Variants in RAP1GAP observed in about 807,000 individuals in gnomAD.
RAP1GAP encodes rap1 GTPase-activating protein 1.
Under a neutral mutation model 87.2 loss-of-function variants are expected in RAP1GAP, and 35 were observed. The ratio of observed to expected loss-of-function variants is 0.40; its 90% CI spans 0.31 to 0.53. The LOEUF (loss-of-function observed/expected upper bound fraction) is 0.53. Among genes scored for constraint, RAP1GAP ranks in the 20% least tolerant of loss-of-function variants. The probability of loss-of-function intolerance (pLI) is 0.48; values close to 1 mark genes in which losing one functional copy is unlikely to be tolerated. For missense variants in RAP1GAP, 734 were observed against 898.9 expected (o/e 0.82, Z 2.35); for synonymous variants, 375 against 363.9 (o/e 1.03, Z -0.35).
At chr1:21,647,745 G>A (rs1031169658) in intron 2 of RAP1GAP, among the ~76,000 whole-genome samples, 1 of 152,194 alleles carries the variant, frequency 6.6e-6, no homozygotes, top group African/African-American at 2.4e-5. Context: ...ATTCACGAAT[G>A]CATGCTCTGT....
At chr1:21,650,954 C>T (rs2096522584) in intron 1 of RAP1GAP, among the ~76,000 whole-genome samples, 1 of 152,206 alleles carries the variant, frequency 6.6e-6, no homozygotes, top group South Asian at 2.1e-4. Context: ...GCGCTCCACA[C>T]CCCAAGGTGG....
At position 21,622,414 on chromosome 1, in the gene RAP1GAP, C is replaced by T; in HGVS notation, c.-18-2364G>A. ...GCACCGCGGGCCGCAGCTGTGCCAT[C>T]CTGAGCGCGGCCCGGCCCGGCCCCC... On this transcript the variant is annotated intron_variant, in intron 3 of 24. Coordinates refer to ENST00000374765, the MANE Select transcript of RAP1GAP (RefSeq NM_002885.4). The surrounding 1 kb of genome is among the most constrained non-coding windows in gnomAD (Gnocchi z 5.7). The T allele has an allele frequency of 3.0e-6, 1 of 332,528 alleles. No individual in the cohort carries two copies. 20.6% of individuals were successfully genotyped at this position (332,528 alleles called of 1,614,324 possible). A position where few individuals can be genotyped will look rare whatever the true frequency, so the allele number is the denominator to read the frequency against.
At chr1:21,608,145 G>A (rs1040816702) in intron 17 of RAP1GAP, 68 bp downstream of exon 17, 29 of 1,576,866 alleles carry the variant, frequency 1.8e-5, no homozygotes, top group Non-Finnish European at 4.3e-6. Context: ...CAGTCTATCA[G>A]CCTCAGCCCG....
intron 1 of RAP1GAP, among the ~76,000 whole-genome samples, chr1:21,659,591 G>A (rs1261365644): frequency 1.3e-5 from 2 of 152,176 alleles, no homozygotes; most frequent in African/African-American, 2.4e-5. Flanking sequence ...AGATCACGGG[G>A]CCGCACCTAC....
At chr1:21,660,352 T>TATATATATATATATATA (rs1248298305) in intron 1 of RAP1GAP, among the ~76,000 whole-genome samples, 27 of 85,898 alleles carry the variant, frequency 3.1e-4, no homozygotes, top group Non-Finnish European at 4.1e-4. Flanking sequence ...TATATATTTA[T>TATATATATATATATATA]TGAGACAGTC....
chr1:21,623,616 G>A (rs2090208380), intron 3 of RAP1GAP, among the ~76,000 whole-genome samples: 1 of 152,252 alleles, frequency 6.6e-6, no homozygotes, highest in Admixed American at 6.5e-5. Flanking sequence ...AAAGCACTGT[G>A]CCCTCCCTTT....
intron 2 of RAP1GAP, among the ~76,000 whole-genome samples, chr1:21,644,405 A>G (rs543779449): frequency 1.3e-5 from 2 of 152,320 alleles, no homozygotes; most frequent in African/African-American, 4.8e-5. Flanking sequence ...AGCTTTGCCA[A>G]GGGACCTTGA....
intron 2 of RAP1GAP, among the ~76,000 whole-genome samples, chr1:21,646,920 C>T (rs2096106768): frequency 6.6e-6 from 1 of 152,172 alleles, no homozygotes; most frequent in Admixed American, 6.5e-5. Context: ...GGAACTCAGC[C>T]ATGATCACAT....
chr1:21,629,250 C>T (rs971350640), intron 2 of RAP1GAP, among the ~76,000 whole-genome samples: 20 of 152,088 alleles, frequency 1.3e-4, no homozygotes, highest in African/African-American at 1.4e-4. Flanking sequence ...GTGCTGGGTG[C>T]GGCCGTGGCT....
Position 21,611,527 on chromosome 1 carries a change from G to A in RAP1GAP, c.768C>T (p.Tyr256=), listed in dbSNP as rs759449694. Residue 256 remains tyrosine, a synonymous_variant, in exon 13 of 25, where the codon TAC becomes TAT. Coordinates refer to ENST00000374765, the MANE Select transcript of RAP1GAP (RefSeq NM_002885.4). ...THGQTGTESV[Y]CNFRNKEIMF... Reference sequence around the variant, plus strand: ...TGATCTCCTTGTTGCGGAAGTTGCAGTACACAGATTCGGTCCCCGTCTGCC... The same window carrying A: ...TGATCTCCTTGTTGCGGAAGTTGCAATACACAGATTCGGTCCCCGTCTGCC... 16 of 1,614,206 alleles carry A rather than the reference G, an allele frequency of 9.9e-6. 1 individual carries two copies. The South Asian group carries it at 1.3e-4, about 13-fold the overall frequency.
intron 1 of RAP1GAP, chr1:21,651,504 A>G (rs748947324): frequency 3.1e-6 from 2 of 649,494 alleles, no homozygotes; most frequent in Non-Finnish European, 6.0e-6. Flanking sequence ...ATGTGCTTAG[A>G]CACAAACACA....
At chr1:21,621,417 G>A (rs1256610928) in intron 3 of RAP1GAP, among the ~76,000 whole-genome samples, 1 of 152,002 alleles carries the variant, frequency 6.6e-6, no homozygotes, top group African/African-American at 2.4e-5. Context: ...GCCCTCACCC[G>A]CACACACACA....
At chr1:21,661,252 CAA>C (rs60956284) in intron 1 of RAP1GAP, among the ~76,000 whole-genome samples, 70 of 127,224 alleles carry the variant, frequency 5.5e-4, no homozygotes, top group Non-Finnish European at 4.6e-4. Flanking sequence ...ACTCTGTCTC[CAA>C]AAAAAAAAAA....
chr1:21,617,895 G>T, intron 6 of RAP1GAP, 39 bp downstream of exon 6: 2 of 1,613,980 alleles, frequency 1.2e-6, no homozygotes, highest in Non-Finnish European at 1.7e-6. Flanking sequence ...GTGCCTCCTG[G>T]GCTTGAGTAA....
chr1:21,607,394 G>A (rs1046023992), intron 17 of RAP1GAP, among the ~76,000 whole-genome samples: 1 of 152,186 alleles, frequency 6.6e-6, no homozygotes, highest in Non-Finnish European at 1.5e-5. Flanking sequence ...AACAGATAAA[G>A]AAACTGATGC....
At chr1:21,600,922 C>T (rs1186710759) in intron 20 of RAP1GAP, among the ~76,000 whole-genome samples, 1 of 146,150 alleles carries the variant, frequency 6.8e-6, no homozygotes, top group Non-Finnish European at 1.5e-5. Flanking sequence ...GTACAGCCTG[C>T]TAAGCTATAA....
intron 2 of RAP1GAP, among the ~76,000 whole-genome samples, chr1:21,630,049 G>T (rs540387851): frequency 6.6e-6 from 1 of 152,140 alleles, no homozygotes. Context: ...CTATGTGCAG[G>T]CTCTGCTCTA....
chr1:21,625,913 C>T (rs183476488), intron 3 of RAP1GAP, among the ~76,000 whole-genome samples: 19 of 152,266 alleles, frequency 1.2e-4, no homozygotes, highest in Middle Eastern at 3.4e-3. Context: ...GTGCCTGGGC[C>T]GCCCTGTCTG....
chr1:21,597,515 GA>G (rs910995429), intron 24 of RAP1GAP, among the ~76,000 whole-genome samples, 170 bp downstream of exon 24: 1 of 152,206 alleles, frequency 6.6e-6, no homozygotes, highest in Non-Finnish European at 1.5e-5. Flanking sequence ...AGGTCACGGG[GA>G]AGGGCCGTGG....
Sources: allele counts gnomAD v4.1 joint callset (sites outside exome capture counted in the v4.1 genomes callset), GRCh38; gene constraint gnomAD v4.1.1; non-coding constraint Gnocchi (gnomAD v3.1); transcripts MANE v1.5; gene names NCBI Gene and HGNC (gene_info 2026-07-23, HGNC 2026-07-21).